Variants in SPOCK1 observed in about 807,000 individuals in gnomAD.
SPOCK1 encodes SPARC (osteonectin), cwcv and kazal like domains proteoglycan 1.
SPOCK1 carries 23 observed loss-of-function variants against 55.3 expected under a neutral mutation model. The ratio of observed to expected loss-of-function variants is 0.42; its 90% CI spans 0.30 to 0.59. The LOEUF (loss-of-function observed/expected upper bound fraction) is 0.59. SPOCK1 is among the 20% of genes least tolerant of loss of function. The pLI is 0.22. For missense variants in SPOCK1, 499 were observed against 552.5 expected (o/e 0.90, Z 0.97); for synonymous variants, 226 against 221.0 (o/e 1.02, Z -0.20).
At chr5:137,249,024 T>C (rs1354202052) in intron 3 of SPOCK1, among the ~76,000 whole-genome samples, 2 of 152,216 alleles carry the variant, frequency 1.3e-5, no homozygotes, top group African/African-American at 4.8e-5. Context: ...ATTAATTCTC[T>C]ACAAACTATT....
chr5:137,135,500 C>T (rs1753965647), intron 4 of SPOCK1, among the ~76,000 whole-genome samples: 1 of 152,196 alleles, frequency 6.6e-6, no homozygotes, highest in African/African-American at 2.4e-5. Flanking sequence ...AAGAATAGCA[C>T]AAGGTTGTAA....
chr5:137,203,555 C>A (rs1451571763), intron 3 of SPOCK1, among the ~76,000 whole-genome samples: 1 of 152,130 alleles, frequency 6.6e-6, no homozygotes, highest in Non-Finnish European at 1.5e-5. Context: ...ATTTCCTTAT[C>A]ATTACTGCTA....
At chr5:137,231,528 T>C (rs1756064439) in intron 3 of SPOCK1, among the ~76,000 whole-genome samples, 1 of 152,250 alleles carries the variant, frequency 6.6e-6, no homozygotes, top group Non-Finnish European at 1.5e-5. Flanking sequence ...TCAGCAAAAT[T>C]TCCTGAAGAT....
chr5:137,477,674 C>G (rs137866414), intron 2 of SPOCK1, among the ~76,000 whole-genome samples: 9 of 152,252 alleles, frequency 5.9e-5, no homozygotes, highest in Non-Finnish European at 1.3e-4. Flanking sequence ...TGACGCTTCC[C>G]CACTTACTCT....
chr5:137,357,719 T>C (rs1750848130), intron 2 of SPOCK1, among the ~76,000 whole-genome samples: 1 of 152,308 alleles, frequency 6.6e-6, no homozygotes, highest in African/African-American at 2.4e-5. Context: ...ACATATTTCC[T>C]TTAAAGAGAT....
chr5:137,314,654 T>C (rs1348962625), intron 2 of SPOCK1, among the ~76,000 whole-genome samples: 2 of 152,202 alleles, frequency 1.3e-5, no homozygotes, highest in Admixed American at 6.5e-5. Context: ...ACCTGTCTAT[T>C]GTTTATCCAC....
At chr5:137,376,803 A>G (rs1187379695) in intron 2 of SPOCK1, among the ~76,000 whole-genome samples, 1 of 152,158 alleles carries the variant, frequency 6.6e-6, no homozygotes. Flanking sequence ...AGATGCATAG[A>G]AAAAAAGATT....
intron 6 of SPOCK1, among the ~76,000 whole-genome samples, chr5:136,999,626 A>T (rs1243705460): frequency 6.6e-6 from 1 of 152,168 alleles, no homozygotes; most frequent in East Asian, 1.9e-4. Flanking sequence ...GATTTGACAA[A>T]AACGGGGAAG....
intron 6 of SPOCK1, among the ~76,000 whole-genome samples, chr5:137,033,177 T>G (rs1052754117): frequency 6.6e-6 from 1 of 151,790 alleles, no homozygotes; most frequent in Non-Finnish European, 1.5e-5. Context: ...AAGGCCTGGG[T>G]GAGGGTGGAG....
intron 3 of SPOCK1, among the ~76,000 whole-genome samples, chr5:137,211,831 C>T (rs1370247648): frequency 1.3e-5 from 2 of 152,142 alleles, no homozygotes; most frequent in African/African-American, 4.8e-5. Flanking sequence ...TGAACACAAT[C>T]CAAAAGGGTG....
At chr5:137,394,586 C>A (rs1202726730) in intron 2 of SPOCK1, among the ~76,000 whole-genome samples, 1 of 152,106 alleles carries the variant, frequency 6.6e-6, no homozygotes, top group Non-Finnish European at 1.5e-5. Context: ...CAGGCTATAC[C>A]CTTTAAAGGC....
intron 3 of SPOCK1, among the ~76,000 whole-genome samples, chr5:137,153,079 TG>T (rs1328770271): frequency 6.6e-6 from 1 of 152,238 alleles, no homozygotes; most frequent in Non-Finnish European, 1.5e-5. Flanking sequence ...TGGAATATCT[TG>T]GGGGTTCAAT....
At chr5:137,167,732 G>A (rs1754676340) in intron 3 of SPOCK1, among the ~76,000 whole-genome samples, 1 of 151,952 alleles carries the variant, frequency 6.6e-6, no homozygotes, top group Admixed American at 6.6e-5. Flanking sequence ...GATCAGTGAA[G>A]AAATTAAGAA....
intron 5 of SPOCK1, among the ~76,000 whole-genome samples, chr5:137,074,086 A>C (rs1752678643): frequency 6.6e-6 from 1 of 152,184 alleles, no homozygotes; most frequent in Non-Finnish European, 1.5e-5. Context: ...ACAAATCCAA[A>C]ATTGAGGACA....
chr5:137,314,826 G>T (rs1580862439), intron 2 of SPOCK1, among the ~76,000 whole-genome samples: 2 of 152,112 alleles, frequency 1.3e-5, no homozygotes, highest in Non-Finnish European at 2.9e-5. Flanking sequence ...CACCAAGCAG[G>T]TGCTCCATAA....
Position 137,272,816 on chromosome 5 carries a change from G to T in SPOCK1, c.187-5761C>A, listed in dbSNP as rs867522751. Among the ~76,000 whole-genome samples, 6 of 140,448 alleles carry T rather than the reference G, an allele frequency of 4.3e-5. 1 individual carries two copies. The highest frequency in any genetic ancestry group is 1.6e-4 in the African/African-American group (6 of 37,248). 92.1% of individuals were successfully genotyped at this position (140,448 alleles called of 152,430 possible). On this transcript the variant is annotated intron_variant, in intron 2 of 10. Transcript: ENST00000394945. ...CTTACTCACCTGCACATCCCCTAAG[G>T]CATCACTCAACAGCACACAGTAAAT...
chr5:137,064,436 G>C (rs571776706), intron 6 of SPOCK1, among the ~76,000 whole-genome samples: 1 of 152,254 alleles, frequency 6.6e-6, no homozygotes, highest in African/African-American at 2.4e-5. Context: ...TTATAAGACT[G>C]TAAACTCTCA....
rs184553218 is a variant in SPOCK1, at chr5:137,324,496, G to C, written c.187-57441C>G. Among the ~76,000 whole-genome samples, 60 of 152,200 alleles carry C rather than the reference G, an allele frequency of 3.9e-4. 1 individual carries two copies. In the East Asian group the frequency reaches 6.2e-3, roughly 16 times the overall value. ...CAAATGGATGAACCTGGAAGACGTT[G>C]TGTTAAATAATACAAGCCAGTCACA... On this transcript the variant is annotated intron_variant, in intron 2 of 10. Coordinates refer to ENST00000394945, the MANE Select transcript of SPOCK1 (RefSeq NM_004598.4).
intron 3 of SPOCK1, among the ~76,000 whole-genome samples, chr5:137,262,716 A>G (rs942672328): frequency 2.6e-5 from 4 of 152,226 alleles, no homozygotes; most frequent in Non-Finnish European, 5.9e-5. Flanking sequence ...ATGCCCCAAC[A>G]CTAGTTAAGA....
Sources: gnomAD v4.1 joint callset for allele counts (sites outside exome capture counted in the v4.1 genomes callset) on GRCh38, gnomAD v4.1.1 for gene constraint, MANE v1.5 for transcripts, NCBI Gene and HGNC (gene_info 2026-07-23, HGNC 2026-07-21) for gene names.